The following ABCA13 variants were observed in gnomAD, a reference collection of about 807,000 sequenced individuals.
ABCA13 encodes the protein ATP-binding cassette sub-family A member 13.
A neutral mutation model predicts 478.7 loss-of-function variants in ABCA13; 476 were observed. The ratio of observed to expected loss-of-function variants is 0.99; its 90% CI spans 0.92 to 1.07. The LOEUF is 1.07. Among genes scored for constraint, ABCA13 ranks in the 50% least tolerant of loss-of-function variants. ABCA13 has a pLI of 0.00. For missense variants in ABCA13, 6,060 were observed against 5,910.6 expected (o/e 1.03, Z -0.83); for synonymous variants, 2,252 against 2,158.9 (o/e 1.04, Z -1.20).
chr7:48,293,409 T>G (rs1798865480), intron 20 of ABCA13, among the ~76,000 whole-genome samples: 2 of 152,206 alleles, frequency 1.3e-5, no homozygotes, highest in Admixed American at 1.3e-4. Flanking sequence ...ATATTCAAAG[T>G]TTTACTTCGA....
At position 48,240,953 on chromosome 7, in the gene ABCA13, T is replaced by A. The variant is rs1378700564; in HGVS notation, c.1149T>A (p.Phe383Leu). 2 of 1,613,618 alleles carry A rather than the reference T, an allele frequency of 1.2e-6. No homozygotes were observed. Among genetic ancestry groups the A allele is most frequent in the Admixed American group, 3.3e-5 (2 of 59,988 alleles). ...GTCTGGAGGCTCTCAGGAATCAGTT[T>A]GAAGAAGAGAGCAAGCCCTGGAAGG... is the stretch of plus-strand genomic sequence containing the variant. ...GHSLEALRNQ[F>L]EEESKPWKVV... is the part of the protein sequence containing the mutation. Residue 383 changes from phenylalanine to leucine, a missense_variant, in exon 10 of 62, where the codon TTT (phenylalanine) becomes TTA (leucine). Transcript: ENST00000435803.
chr7:48,608,804 T>G (rs2131530542), intron 58 of ABCA13, among the ~76,000 whole-genome samples: 1 of 152,336 alleles, frequency 6.6e-6, no homozygotes, highest in Admixed American at 6.5e-5. Flanking sequence ...AAGTGCTTCT[T>G]AGATTGTGGT....
intron 42 of ABCA13, among the ~76,000 whole-genome samples, chr7:48,432,758 A>C (rs1329959024): frequency 6.6e-6 from 1 of 152,120 alleles, no homozygotes; most frequent in South Asian, 2.1e-4. Flanking sequence ...ATATATGCAG[A>C]ATTTTTAAAA....
At chr7:48,197,036 G>C (rs1470437796) in intron 2 of ABCA13, among the ~76,000 whole-genome samples, 4 of 152,204 alleles carry the variant, frequency 2.6e-5, no homozygotes, top group African/African-American at 9.6e-5. Context: ...GAAATTTCCT[G>C]TTAAGTGCCT....
chr7:48,192,914 C>T, intron 1 of ABCA13, 45 bp from the exon 2 acceptor site: 1 of 1,367,088 alleles, frequency 7.3e-7, no homozygotes, highest in Non-Finnish European at 9.9e-7. Flanking sequence ...ATTGTAATAC[C>T]TTACAATTTA....
intron 58 of ABCA13, among the ~76,000 whole-genome samples, chr7:48,599,462 A>T (rs1790651345): frequency 6.6e-6 from 1 of 152,088 alleles, no homozygotes; most frequent in South Asian, 2.1e-4. Context: ...ATATTCCTAT[A>T]TTCTGAATAG....
At chr7:48,455,320 A>G (rs1347686915) in intron 43 of ABCA13, 34 bp downstream of exon 43, 7 of 1,570,710 alleles carry the variant, frequency 4.5e-6, no homozygotes, top group Non-Finnish European at 5.2e-6. Context: ...TTTCGAAATT[A>G]TGTCGAGGCA....
At chr7:48,491,926 C>T (rs772741722) in intron 48 of ABCA13, among the ~76,000 whole-genome samples, 3 of 152,154 alleles carry the variant, frequency 2.0e-5, no homozygotes, top group Non-Finnish European at 4.4e-5. Context: ...TCTCAGCAGT[C>T]GCACAGCACC....
At chr7:48,364,119 G>A (rs1323114954) in intron 31 of ABCA13, among the ~76,000 whole-genome samples, 4 of 118,288 alleles carry the variant, frequency 3.4e-5, no homozygotes, top group African/African-American at 1.2e-4. Context: ...TGAGGACCAG[G>A]TGCCATTAAT....
chr7:48,309,616 C>A (rs376813633), intron 23 of ABCA13, among the ~76,000 whole-genome samples: 1 of 151,872 alleles, frequency 6.6e-6, no homozygotes, highest in Non-Finnish European at 1.5e-5. Context: ...ATGCTAACTA[C>A]GGGGGTGGCA....
At chr7:48,478,290 ATT>A (rs995860359) in intron 45 of ABCA13, among the ~76,000 whole-genome samples, 2 of 114,914 alleles carry the variant, frequency 1.7e-5, no homozygotes, top group African/African-American at 6.3e-5. Flanking sequence ...CATATATATC[ATT>A]TTATATATAT....
At chr7:48,415,326 G>A in intron 41 of ABCA13, among the ~76,000 whole-genome samples, 1 of 152,064 alleles carries the variant, frequency 6.6e-6, no homozygotes, top group East Asian at 1.9e-4. Flanking sequence ...ATTTTTTTGG[G>A]GGGTTATCGA....
At chr7:48,458,074 C>T (rs1447694761) in intron 43 of ABCA13, among the ~76,000 whole-genome samples, 1 of 152,124 alleles carries the variant, frequency 6.6e-6, no homozygotes, top group Non-Finnish European at 1.5e-5. Flanking sequence ...ATACTGGATC[C>T]TCTCTGAGTG....
chr7:48,395,155 T>A (rs1816665303), intron 38 of ABCA13, among the ~76,000 whole-genome samples: 1 of 152,190 alleles, frequency 6.6e-6, no homozygotes, highest in African/African-American at 2.4e-5. Context: ...CCTTAGGCTG[T>A]CCATGGGCAT....
At chr7:48,597,605 C>T (rs1403025784) in intron 58 of ABCA13, among the ~76,000 whole-genome samples, 1 of 152,184 alleles carries the variant, frequency 6.6e-6, no homozygotes, top group Non-Finnish European at 1.5e-5. Context: ...TATTCCACAT[C>T]CTTGTCACTA....
intron 44 of ABCA13, among the ~76,000 whole-genome samples, chr7:48,469,843 C>T (rs1191835201): frequency 6.6e-6 from 1 of 151,848 alleles, no homozygotes; most frequent in Non-Finnish European, 1.5e-5. Flanking sequence ...TCACTTGAGC[C>T]CAGGAGGCGG....
intron 27 of ABCA13, among the ~76,000 whole-genome samples, chr7:48,320,746 C>T (rs1232752241): frequency 1.3e-5 from 2 of 152,160 alleles, no homozygotes; most frequent in Non-Finnish European, 2.9e-5. Flanking sequence ...CATTCTAGGC[C>T]ACTGGTGCAC....
At chr7:48,410,908 AGATAACAGG>A (rs1818927023) in intron 40 of ABCA13, among the ~76,000 whole-genome samples, 1 of 152,236 alleles carries the variant, frequency 6.6e-6, no homozygotes, top group Non-Finnish European at 1.5e-5. Context: ...ATTACCTGAT[AGATAACAGG>A]AGCTGCTGTG....
At chr7:48,242,886 T>C (rs1235846162) in intron 10 of ABCA13, 2 of 152,386 alleles carry the variant, frequency 1.3e-5, no homozygotes, top group East Asian at 1.9e-4. Context: ...CTTTTTCTCT[T>C]CCTAAGCTGC....
Sources: gnomAD v4.1 joint callset for allele counts (sites outside exome capture counted in the v4.1 genomes callset) on GRCh38, gnomAD v4.1.1 for gene constraint, MANE v1.5 for transcripts, NCBI Gene and HGNC (gene_info 2026-07-23, HGNC 2026-07-21) for gene names.